The following GNAT3 variants were observed in gnomAD, a reference collection of about 807,000 sequenced individuals.
GNAT3 encodes guanine nucleotide-binding protein G(t) subunit alpha-3.
In GNAT3, 31 loss-of-function variants were observed where a neutral mutation model predicts 37.7. That is an observed-to-expected ratio of 0.82 (90% CI 0.62 to 1.11). The LOEUF is 1.11. Among genes scored for constraint, GNAT3 ranks in the 50% most tolerant of loss-of-function variants. The probability of loss-of-function intolerance (pLI) is 0.00; values close to 1 mark genes in which losing one functional copy is unlikely to be tolerated. For synonymous variants in GNAT3, 138 were observed against 139.8 expected (o/e 0.99, Z 0.09); for missense variants, 437 against 412.5 (o/e 1.06, Z -0.51).
chr7:80,470,414 G>T (rs1337467742), intron 5 of GNAT3, among the ~76,000 whole-genome samples: 1 of 152,198 alleles, frequency 6.6e-6, no homozygotes, highest in South Asian at 2.1e-4. Flanking sequence ...TAGAGACGGG[G>T]TTTCACCATG....
intron 1 of GNAT3, among the ~76,000 whole-genome samples, chr7:80,496,048 G>A (rs1486036688): frequency 1.3e-5 from 2 of 151,962 alleles, no homozygotes; most frequent in South Asian, 2.1e-4. Context: ...AGAGCTTTTC[G>A]TTTGTCCCAT....
Position 80,474,359 on chromosome 7 carries a change from C to T in GNAT3, c.482G>A (p.Arg161Lys). The T allele has an allele frequency of 7.1e-6, 11 of 1,540,894 alleles. No individual in the cohort carries two copies. The highest frequency in any genetic ancestry group is 9.7e-6 in the Non-Finnish European group (11 of 1,138,336). Residue 161 changes from arginine to lysine, a missense_variant, in exon 5 of 8, where the codon AGA becomes AAA. Coordinates refer to ENST00000398291, the MANE Select transcript of GNAT3 (RefSeq NM_001102386.3). ...SAAYYLNDLD[R>K]ITASGYVPNE... ...TGGCACATACCCAGATGCTGTTATTCTATCTAAATCATTAAGGTAGCTAAT... is the reference window on the plus strand; with the variant it reads ...TGGCACATACCCAGATGCTGTTATTTTATCTAAATCATTAAGGTAGCTAAT...
chr7:80,496,744 C>G (rs1403989967), intron 1 of GNAT3, among the ~76,000 whole-genome samples: 2 of 152,134 alleles, frequency 1.3e-5, no homozygotes, highest in African/African-American at 4.8e-5. Flanking sequence ...TTGTACTGCG[C>G]ATCATTTTTT....
Position 80,474,357 on chromosome 7 carries a change from TTCTA to T in GNAT3, c.480_483del (p.Asp160GlufsTer2). ...TTTGGCACATACCCAGATGCTGTTA[TTCTA>T]TCTAAATCATTAAGGTAGCTAATAA... is the stretch of plus-strand genomic sequence containing the variant. On this transcript the variant is annotated frameshift_variant, in exon 5 of 8. Transcript: ENST00000398291. LOFTEE classifies it high-confidence loss of function. 1 of 1,549,022 alleles carries T rather than the reference TTCTA, an allele frequency of 6.5e-7. No individual in the cohort carries two copies. Among genetic ancestry groups the T allele is most frequent in the Non-Finnish European group, 8.7e-7 (1 of 1,142,864 alleles).
At chr7:80,478,734 C>T in intron 4 of GNAT3, 107 bp downstream of exon 4, 1 of 1,056,684 alleles carries the variant, frequency 9.5e-7, no homozygotes, top group Non-Finnish European at 1.4e-6. Context: ...TAAAATGTAA[C>T]ACCATTTATT....
At position 80,465,544 on chromosome 7, in the gene GNAT3, G is replaced by A. The variant is rs188394225; in HGVS notation, c.591-2913C>T. 4.0e-3 allele frequency among the ~76,000 whole-genome samples: 606 copies of A among 152,178 alleles called. 4 individuals carry two copies. The highest frequency in any genetic ancestry group is 6.8e-3 in the Middle Eastern group (2 of 292). Reference sequence around the variant, plus strand: ...TATGTACCTGGCTGGCACCACGATAGGTTCGATAGATTCCGTGGCTATGAT... The same window carrying A: ...TATGTACCTGGCTGGCACCACGATAAGTTCGATAGATTCCGTGGCTATGAT... On this transcript the variant is annotated intron_variant, in intron 5 of 7. Transcript: ENST00000398291.
intron 1 of GNAT3, among the ~76,000 whole-genome samples, chr7:80,508,189 A>C (rs79975508): frequency 0.04 from 6,069 of 151,992 alleles, 429 homozygotes; most frequent in African/African-American, 0.14. Context: ...GGTGTTTTGA[A>C]TATGAAGAAA....
intron 5 of GNAT3, among the ~76,000 whole-genome samples, chr7:80,466,885 T>A (rs1374898471): frequency 1.3e-5 from 2 of 152,086 alleles, no homozygotes; most frequent in Non-Finnish European, 2.9e-5. Flanking sequence ...TGTACAACTG[T>A]GATAAGTAAC....
At chr7:80,493,832 TC>T (rs1790657908) in intron 2 of GNAT3, among the ~76,000 whole-genome samples, 2 of 119,548 alleles carry the variant, frequency 1.7e-5, no homozygotes, top group African/African-American at 7.4e-5. Flanking sequence ...TTCCTCCTCC[TC>T]CTCTTTCCTC....
chr7:80,474,114 T>A, intron 5 of GNAT3, 137 bp downstream of exon 5: 1 of 748,648 alleles, frequency 1.3e-6, no homozygotes, highest in Non-Finnish European at 2.2e-6. Flanking sequence ...AGGACAGCGG[T>A]ACTGAAGGTA....
intron 1 of GNAT3, among the ~76,000 whole-genome samples, chr7:80,505,027 G>T (rs1208205108): frequency 6.6e-6 from 1 of 152,166 alleles, no homozygotes; most frequent in African/African-American, 2.4e-5. Context: ...TGGGAATGAA[G>T]GAAAGTAAGA....
At chr7:80,488,069 TA>T (rs1016223211) in intron 3 of GNAT3, among the ~76,000 whole-genome samples, 28 of 151,846 alleles carry the variant, frequency 1.8e-4, no homozygotes, top group East Asian at 5.8e-4. Context: ...AATTCTTTTT[TA>T]AAAAAAAACT....
rs766089131 is a variant in GNAT3 at position 80,458,712 on chromosome 7, T to C, written c.1024A>G (p.Ile342Val). 1.9e-6 allele frequency: 3 copies of C among 1,591,162 alleles called. No homozygotes were observed. Among genetic ancestry groups the C allele is most frequent in the Non-Finnish European group, 1.7e-6 (2 of 1,168,930 alleles). Residue 342 changes from isoleucine (I) to valine (V), a missense_variant, in exon 8 of 8, where the codon ATA becomes GTA. Physicochemically the swap from Ile to Val is conservative, Grantham distance 29. Transcript: ENST00000398291. ...VKFVFDAVTD[I>V]IIKENLKDCG... ...TCTTTTAGATTCTCTTTGATTATTATATCTGTAACTGCGTCAAACACAAAC... is the reference window on the plus strand; with the variant it reads ...TCTTTTAGATTCTCTTTGATTATTACATCTGTAACTGCGTCAAACACAAAC...
chr7:80,508,211 A>T (rs1790985786), intron 1 of GNAT3, among the ~76,000 whole-genome samples: 2 of 151,218 alleles, frequency 1.3e-5, no homozygotes, highest in Admixed American at 6.6e-5. Context: ...AAGAAAGCTA[A>T]TTTTTTTCCT....
At chr7:80,508,053 T>C (rs1381729858) in intron 1 of GNAT3, among the ~76,000 whole-genome samples, 1 of 151,564 alleles carries the variant, frequency 6.6e-6, no homozygotes, top group Non-Finnish European at 1.5e-5. Context: ...AAAATAAAAA[T>C]AAAGGGTTTT....
At chr7:80,464,396 G>A (rs1317477760) in intron 5 of GNAT3, among the ~76,000 whole-genome samples, 1 of 152,046 alleles carries the variant, frequency 6.6e-6, no homozygotes, top group Non-Finnish European at 1.5e-5. Flanking sequence ...CAAGAGCAAA[G>A]TACTTCAGGA....
At chr7:80,501,630 T>G (rs114295875) in intron 1 of GNAT3, among the ~76,000 whole-genome samples, 3,131 of 152,070 alleles carry the variant, frequency 0.021, 105 homozygotes, top group African/African-American at 0.071. Flanking sequence ...CTTTTTAAGC[T>G]CTTTTAATTT....
At chr7:80,504,453 A>G (rs1790894458) in intron 1 of GNAT3, among the ~76,000 whole-genome samples, 2 of 152,246 alleles carry the variant, frequency 1.3e-5, no homozygotes, top group Admixed American at 6.5e-5. Flanking sequence ...AAACAGGATA[A>G]GAAAATAGAA....
intron 5 of GNAT3, 132 bp from the exon 6 acceptor site, chr7:80,462,763 T>C: frequency 1.7e-6 from 1 of 604,146 alleles, no homozygotes; most frequent in Non-Finnish European, 2.7e-6. Context: ...TTATTGATTA[T>C]AAAATTAAAT....
Sources: gnomAD v4.1 joint callset for allele counts (sites outside exome capture counted in the v4.1 genomes callset) on GRCh38, gnomAD v4.1.1 for gene constraint, MANE v1.5 for transcripts, NCBI Gene and HGNC (gene_info 2026-07-23, HGNC 2026-07-21) for gene names.